The following COL4A6 variants were observed in gnomAD, a reference collection of about 807,000 sequenced individuals.
COL4A6 encodes collagen alpha-6(IV) chain.
A neutral mutation model predicts 126.7 loss-of-function variants in COL4A6; 59 were observed. That is an observed-to-expected ratio of 0.47 (90% confidence interval 0.38 to 0.58). COL4A6 has a LOEUF of 0.58. Among genes scored for constraint, COL4A6 ranks in the 20% least tolerant of loss-of-function variants. COL4A6 has a pLI of 0.00. For synonymous variants in COL4A6, 547 were observed against 496.6 expected (o/e 1.10, Z -1.35); for missense variants, 1,285 against 1,337.3 (o/e 0.96, Z 0.61).
At chrX:108,278,769 G>C (rs1341888304) in intron 3 of COL4A6, among the ~76,000 whole-genome samples, 46 of 110,149 alleles carry the variant, frequency 4.2e-4, no homozygotes, top group African/African-American at 1.5e-3. Flanking sequence ...ACAAAGGGAA[G>C]CCCATCAGAC....
chrX:108,243,034 G>A (rs753600412), intron 3 of COL4A6, among the ~76,000 whole-genome samples: 81 of 111,198 alleles, frequency 7.3e-4, no homozygotes, highest in Non-Finnish European at 1.3e-3. Flanking sequence ...TCTACAAATC[G>A]CTTAGGAATC....
intron 3 of COL4A6, among the ~76,000 whole-genome samples, chrX:108,296,258 A>G (rs2038323679): frequency 8.9e-6 from 1 of 112,519 alleles, no homozygotes; most frequent in African/African-American, 3.2e-5. Context: ...CCCAACAGAT[A>G]AGCTCTGTTC....
Position 108,214,201 on chromosome X carries a change from C to T in COL4A6, c.352G>A (p.Gly118Ser). 5 of 1,207,826 alleles carry T rather than the reference C, an allele frequency of 4.1e-6. No homozygotes were observed. Among genetic ancestry groups the T allele is most frequent in the Non-Finnish European group, 4.5e-6 (4 of 893,584 alleles). ...PGHPGQPGPR[G>S]PPGLDGCNGT... is the part of the protein sequence containing the mutation. ...TTACAGCCATCCAGACCAGGTGGGC[C>T]TCTGGGGCCTGGTTGTCCAGGGTGG... is the stretch of plus-strand genomic sequence containing the variant. The change falls in exon 6 of 45, where the codon GGC (glycine) becomes AGC (serine). Residue 118 changes from glycine (G) to serine (S), a missense_variant. Coordinates refer to ENST00000334504, the MANE Select transcript of COL4A6 (RefSeq NM_033641.4).
chrX:108,218,886 CA>C (rs758077896), intron 5 of COL4A6, among the ~76,000 whole-genome samples: 1 of 111,597 alleles, frequency 9.0e-6, no homozygotes, highest in African/African-American at 3.3e-5. Flanking sequence ...TTCTATTAAA[CA>C]AGATTGAAAA....
At chrX:108,386,753 C>T (rs1413385846) in intron 2 of COL4A6, among the ~76,000 whole-genome samples, 2 of 111,799 alleles carry the variant, frequency 1.8e-5, no homozygotes, top group Admixed American at 1.9e-4. Context: ...GCTTTTGTTG[C>T]CATTGCTTTT....
intron 3 of COL4A6, among the ~76,000 whole-genome samples, chrX:108,275,956 C>T (rs1203075037): frequency 1.8e-5 from 2 of 112,839 alleles, no homozygotes; most frequent in Admixed American, 9.3e-5. Context: ...TCTATGAAAG[C>T]AGGCAATGCC....
chrX:108,175,618 T>A, intron 29 of COL4A6, 36 bp downstream of exon 29: 1 of 1,168,751 alleles, frequency 8.6e-7, no homozygotes, highest in Non-Finnish European at 1.1e-6. Flanking sequence ...TTGAAAAGCA[T>A]GGGCAGCAGT....
At chrX:108,370,120 G>C (rs1234054215) in intron 2 of COL4A6, among the ~76,000 whole-genome samples, 1 of 112,025 alleles carries the variant, frequency 8.9e-6, no homozygotes, top group African/African-American at 3.2e-5. Flanking sequence ...CATGTTTCAG[G>C]GTCTTCCTGC....
Position 108,169,968 on chromosome X carries a change from G to A in COL4A6, c.3542C>T (p.Thr1181Ile). The change falls in exon 36 of 45, where the codon ACC (threonine) becomes ATC (isoleucine). Residue 1181 changes from threonine (T) to isoleucine (I), a missense_variant. Physicochemically the swap from Thr to Ile is moderately conservative, Grantham distance 89. Transcript: ENST00000334504. ...GLHGLNGLPG[T>I]KGTHGTPGPS... ...ACCTGGAGTGCCATGGGTACCCTTG[G>A]TGCCCGGAAGCCCATTCAGTCCATG... is the stretch of plus-strand genomic sequence containing the variant. 8.4e-7 allele frequency: 1 copy of A among 1,189,910 alleles called. No individual in the cohort carries two copies. Among genetic ancestry groups the A allele is most frequent in the Admixed American group, 2.3e-5 (1 of 44,064 alleles).
At chrX:108,279,779 T>G (rs1341099536) in intron 3 of COL4A6, among the ~76,000 whole-genome samples, 2 of 111,336 alleles carry the variant, frequency 1.8e-5, no homozygotes, top group Non-Finnish European at 3.8e-5. Flanking sequence ...AGATCAGAAA[T>G]TATAACAAAC....
At chrX:108,266,589 A>G (rs2037308561) in intron 3 of COL4A6, among the ~76,000 whole-genome samples, 1 of 111,848 alleles carries the variant, frequency 8.9e-6, no homozygotes, top group African/African-American at 3.2e-5. Flanking sequence ...TATGCTGTTC[A>G]CTAATGGTAA....
intron 2 of COL4A6, among the ~76,000 whole-genome samples, chrX:108,357,591 T>C (rs1254005353): frequency 1.8e-5 from 2 of 111,756 alleles, no homozygotes; most frequent in African/African-American, 6.5e-5. Context: ...TTCCTTACCA[T>C]GGCATACGTG....
chrX:108,357,599 G>A (rs1196015780), intron 2 of COL4A6, among the ~76,000 whole-genome samples: 1 of 111,273 alleles, frequency 9.0e-6, no homozygotes, highest in Non-Finnish European at 1.9e-5. Flanking sequence ...CATGGCATAC[G>A]TGTCCCTCCA....
At chrX:108,318,182 G>T (rs1269673244) in intron 2 of COL4A6, among the ~76,000 whole-genome samples, 1 of 111,367 alleles carries the variant, frequency 9.0e-6, no homozygotes, top group African/African-American at 3.3e-5. Context: ...AACCCTTCAT[G>T]CTAAAAACTC....
chrX:108,325,216 A>G (rs182685152), intron 2 of COL4A6, among the ~76,000 whole-genome samples: 1 of 112,391 alleles, frequency 8.9e-6, no homozygotes, highest in Non-Finnish European at 1.9e-5. Context: ...GGGCTTAATC[A>G]AAGCCATAGG....
chrX:108,403,935 A>T (rs761408784), intron 2 of COL4A6, among the ~76,000 whole-genome samples: 3 of 111,527 alleles, frequency 2.7e-5, no homozygotes, highest in South Asian at 7.5e-4. Flanking sequence ...AACACTATCG[A>T]TCTGGGACCA....
intron 2 of COL4A6, among the ~76,000 whole-genome samples, chrX:108,315,543 AG>A (rs2038863245): frequency 8.9e-6 from 1 of 112,343 alleles, no homozygotes; most frequent in Non-Finnish European, 1.9e-5. Flanking sequence ...TTAGGGTTAA[AG>A]GTTAGGGTTT....
intron 2 of COL4A6, among the ~76,000 whole-genome samples, chrX:108,408,777 C>T (rs929989835): frequency 4.5e-5 from 5 of 110,889 alleles, no homozygotes; most frequent in African/African-American, 1.6e-4. Context: ...ACCTGACCAA[C>T]AAGGAGAAAC....
At chrX:108,209,555 T>C (rs2048649371) in intron 8 of COL4A6, among the ~76,000 whole-genome samples, 1 of 112,394 alleles carries the variant, frequency 8.9e-6, no homozygotes, top group Non-Finnish European at 1.9e-5. Flanking sequence ...CAGCCTTACA[T>C]GGACTCACCA....
Sources: allele counts gnomAD v4.1 joint callset (sites outside exome capture counted in the v4.1 genomes callset), GRCh38; gene constraint gnomAD v4.1.1; transcripts MANE v1.5; gene names NCBI Gene and HGNC (gene_info 2026-07-23, HGNC 2026-07-21).